MID2: variants seen among roughly 807,000 people sequenced by gnomAD.
MID2 encodes the protein probable E3 ubiquitin-protein ligase MID2.
In MID2, 13 loss-of-function variants were observed where a neutral mutation model predicts 46.1. The observed-to-expected ratio is 0.28, with a 90% confidence interval of 0.18 to 0.45. The LOEUF (loss-of-function observed/expected upper bound fraction) is 0.45, where lower values mean the gene tolerates loss of function less well. Ranked by LOEUF, MID2 falls within the 20% of genes least tolerant of loss-of-function variation. The pLI is 1.00. For synonymous variants in MID2, 199 were observed against 212.3 expected, an observed-to-expected ratio of 0.94 and a Z score of 0.55; for missense variants, 431 against 575.4, an observed-to-expected ratio of 0.75 and a Z score of 2.57.
At chrX:107,863,347 G>A (rs1023601449) in intron 3 of MID2, among the ~76,000 whole-genome samples, 1 of 111,951 alleles carries the variant, frequency 8.9e-6, no homozygotes, top group African/African-American at 3.2e-5. Flanking sequence ...CTATAGGGCA[G>A]GTAAGCTTTC....
chrX:107,908,696 T>TA (rs770825707), intron 5 of MID2, among the ~76,000 whole-genome samples: 17,383 of 66,873 alleles, frequency 0.26, 3,189 homozygotes, highest in African/African-American at 0.56. Flanking sequence ...AGATTCCATC[T>TA]AAAAAAAAAA....
Position 107,825,996 on chromosome X carries a change from G to A in MID2, c.-431G>A. ...ACCCCTTCTTCTTGGGCCCTTCCCA[G>A]TGCTCCCTTGGGGTGTCAGCCCCAG... On this transcript the variant is annotated 5_prime_UTR_variant, in exon 1 of 10. The change creates a new upstream start codon in the 5' untranslated region. Transcript: ENST00000262843. 3.5e-6 allele frequency: 1 copy of A among 283,635 alleles called. No individual in the cohort carries two copies. The highest frequency in any genetic ancestry group is 9.5e-4 in the Middle Eastern group (1 of 1,056). The allele number at this position is 283,635 out of a possible 1,213,427, so 23.4% of individuals were successfully genotyped here. A position where few individuals can be genotyped will look rare whatever the true frequency, so the allele number is the denominator to read the frequency against.
chrX:107,926,217 G>T lies in MID2; in HGVS notation c.1721G>T (p.Gly574Val), dbSNP rs1347240420. ...KKSHTPERFS[G>V]TGCYGAAGNI... ...AGCCACACCCCAGAGAGGTTTAGTG[G>T]CACAGGGTGCTATGGGGCAGCAGGA... The change falls in exon 9 of 10, where the codon GGC becomes GTC. Residue 574 changes from glycine (G) to valine (V), a missense_variant. Gly to Val is a moderately radical substitution (Grantham distance 109). Transcript: ENST00000262843. 2 of 1,210,382 alleles carry T rather than the reference G, an allele frequency of 1.7e-6. No individual in the cohort carries two copies. The highest frequency in any genetic ancestry group is 4.4e-5 in the Admixed American group (2 of 45,956).
At chrX:107,851,777 A>T (rs1183573428) in intron 2 of MID2, among the ~76,000 whole-genome samples, 1 of 110,044 alleles carries the variant, frequency 9.1e-6, no homozygotes, top group Non-Finnish European at 1.9e-5. Context: ...GTCCCCCACT[A>T]CTCTCTTTCT....
At chrX:107,919,981 A>G (rs1933040840) in intron 7 of MID2, among the ~76,000 whole-genome samples, 1 of 112,194 alleles carries the variant, frequency 8.9e-6, no homozygotes, top group African/African-American at 3.2e-5. Flanking sequence ...TCTACCTTCA[A>G]ATATACTTGC....
Position 107,931,020 on chromosome X carries a change from T to G in MID2, c.*3947T>G, listed in dbSNP as rs1343515846. Among the ~76,000 whole-genome samples, 1 of 112,591 alleles carries G rather than the reference T, an allele frequency of 8.9e-6. No individual in the cohort carries two copies. Among genetic ancestry groups the G allele is most frequent in the Non-Finnish European group, 1.9e-5 (1 of 53,302 alleles). ...AAGAGTAACTGCATCTGGATGTGTT[T>G]TTATTATACAATTCTATGTGTATCT... is the stretch of plus-strand genomic sequence containing the variant. On this transcript the variant is annotated 3_prime_UTR_variant, in exon 10 of 10. Transcript: ENST00000262843.
intron 3 of MID2, among the ~76,000 whole-genome samples, chrX:107,857,765 T>A (rs984388611): frequency 8.9e-6 from 1 of 112,040 alleles, no homozygotes; most frequent in Non-Finnish European, 1.9e-5. Context: ...TAGAATACTG[T>A]CAGTCATGAA....
chrX:107,921,303 C>A (rs1398745260), intron 7 of MID2, among the ~76,000 whole-genome samples: 2 of 110,904 alleles, frequency 1.8e-5, no homozygotes, highest in Middle Eastern at 4.6e-3. Context: ...CAGTACAGTT[C>A]TTTCTTAGGG....
At chrX:107,915,963 C>G (rs749989574) in intron 5 of MID2, 39 bp from the exon 6 acceptor site, 221 of 1,158,113 alleles carry the variant, frequency 1.9e-4, no homozygotes, top group Non-Finnish European at 2.4e-4. Context: ...AAGTTGCAAC[C>G]TATTTTGATG....
Position 107,889,244 on chromosome X carries a change from T to C in MID2, c.817-14714T>C, listed in dbSNP as rs765554782. 8.0e-5 allele frequency among the ~76,000 whole-genome samples: 9 copies of C among 112,005 alleles called. No homozygotes were observed. The South Asian group carries it at 3.4e-3, about 42-fold the overall frequency. On this transcript the variant is annotated intron_variant, in intron 3 of 9. Transcript: ENST00000262843. ...TGGTCTTTACAATTTGGCATGATTTTGCAGTGGCTGGTACCGGTTATTCCT... is the reference window on the plus strand; with the variant it reads ...TGGTCTTTACAATTTGGCATGATTTCGCAGTGGCTGGTACCGGTTATTCCT...
chrX:107,881,508 G>A (rs918220244), intron 3 of MID2, among the ~76,000 whole-genome samples: 6 of 112,000 alleles, frequency 5.4e-5, no homozygotes, highest in African/African-American at 2.0e-4. Context: ...TCTCTGGTGT[G>A]TCCTTCAAAA....
At chrX:107,891,619 G>C (rs1003199955) in intron 3 of MID2, among the ~76,000 whole-genome samples, 1 of 111,636 alleles carries the variant, frequency 9.0e-6, no homozygotes, top group Non-Finnish European at 1.9e-5. Flanking sequence ...GGTTTTCCCC[G>C]TAGAAACCCC....
Position 107,904,056 on chromosome X carries a change from A to G in MID2, c.915A>G (p.Lys305=), listed in dbSNP as rs1486418707. 8.5e-7 allele frequency: 1 copy of G among 1,177,607 alleles called. No homozygotes were observed. Among genetic ancestry groups the G allele is most frequent in the South Asian group, 1.8e-5 (1 of 56,144 alleles). Residue 305 remains lysine (K), a synonymous_variant, in exon 4 of 10, where the codon AAA becomes AAG. Coordinates refer to ENST00000262843, the MANE Select transcript of MID2 (RefSeq NM_012216.4). ...AGCAAATGATCGCTGTCAAAATCAA[A>G]GAGACAAAGGTAAAGCGCAGCACTT... ...QRKQMIAVKI[K]ETKVMKLRKL...
intron 3 of MID2, chrX:107,901,164 G>T (rs1172481809): frequency 8.9e-6 from 1 of 112,004 alleles, no homozygotes; most frequent in Non-Finnish European, 1.9e-5. Context: ...GTCAAGTGAA[G>T]CAGTGGGAAT....
At chrX:107,899,955 A>C (rs1932782327) in intron 3 of MID2, among the ~76,000 whole-genome samples, 1 of 112,100 alleles carries the variant, frequency 8.9e-6, no homozygotes, top group Non-Finnish European at 1.9e-5. Flanking sequence ...AGGGGCTTTC[A>C]AATGTCTTCC....
At chrX:107,907,300 T>C (rs958151977) in intron 5 of MID2, among the ~76,000 whole-genome samples, 2 of 112,419 alleles carry the variant, frequency 1.8e-5, no homozygotes, top group African/African-American at 6.5e-5. Flanking sequence ...CTTGTCATCA[T>C]AATGGCTATC....
chrX:107,926,768 G>A lies in MID2; in HGVS notation c.1903G>A (p.Val635Met). 8.3e-7 allele frequency: 1 copy of A among 1,211,199 alleles called. No homozygotes were observed. The highest frequency in any genetic ancestry group is 1.1e-6 in the Non-Finnish European group (1 of 895,191). ...WVFSRCNSNF[V>M]VRHNNKEMLV... ...CTTCTCTCGCTGCAATAGTAACTTC[G>A]TGGTGAGACACAACAACAAGGAAAT... Residue 635 changes from valine (V) to methionine (M), a missense_variant, in exon 10 of 10, where the codon GTG (valine) becomes ATG (methionine). Physicochemically the swap from Val to Met is conservative, Grantham distance 21 (BLOSUM62 1). Transcript: ENST00000262843.
intron 3 of MID2, among the ~76,000 whole-genome samples, chrX:107,886,394 G>T (rs192899729): frequency 0.052 from 5,704 of 110,013 alleles, 378 homozygotes; most frequent in African/African-American, 0.18. Context: ...TTTCCCCATT[G>T]CTTGTTTTTG....
intron 3 of MID2, among the ~76,000 whole-genome samples, chrX:107,886,685 TG>T (rs1932460657): frequency 1.8e-5 from 2 of 112,047 alleles, no homozygotes; most frequent in Admixed American, 9.4e-5. Flanking sequence ...TTGATGGGGA[TG>T]GCATTGAATC....
Sources: allele counts gnomAD v4.1 joint callset (sites outside exome capture counted in the v4.1 genomes callset), GRCh38; gene constraint gnomAD v4.1.1; transcripts MANE v1.5; gene names NCBI Gene and HGNC (gene_info 2026-07-23, HGNC 2026-07-21).